Variants in RNF150 observed in about 807,000 individuals in gnomAD.
RNF150 encodes the protein ring finger protein 150.
Under a neutral mutation model 39.3 loss-of-function variants are expected in RNF150, and 24 were observed. That is an observed-to-expected ratio of 0.61 (90% CI 0.44 to 0.86). RNF150 has a LOEUF of 0.86. RNF150 is among the 40% of genes least tolerant of loss of function. The probability of loss-of-function intolerance (pLI) is 0.00; values close to 1 mark genes in which losing one functional copy is unlikely to be tolerated. For missense variants in RNF150, 502 were observed against 587.8 expected (o/e 0.85, Z 1.51); for synonymous variants, 255 against 227.3 (o/e 1.12, Z -1.10).
intron 1 of RNF150, among the ~76,000 whole-genome samples, chr4:140,976,726 T>G (rs1248097440): frequency 2.0e-5 from 3 of 151,980 alleles, no homozygotes; most frequent in Admixed American, 6.6e-5. Flanking sequence ...TCCACCATTA[T>G]AAACTCTTCT....
chr4:141,036,903 G>GC (rs893124923), intron 1 of RNF150, among the ~76,000 whole-genome samples: 2 of 152,040 alleles, frequency 1.3e-5, no homozygotes, highest in African/African-American at 4.8e-5. Flanking sequence ...ATGCCAAAAG[G>GC]CCCTTAGCTC....
At chr4:141,066,206 A>G (rs953731854) in intron 1 of RNF150, among the ~76,000 whole-genome samples, 4 of 151,000 alleles carry the variant, frequency 2.6e-5, no homozygotes, top group African/African-American at 9.7e-5. Context: ...ACAGGGTGCA[A>G]TTGTTAAAAG....
rs747481996 is a variant in RNF150 at position 141,132,294 on chromosome 4, TCCCCTCCCCCGCGCCCGCTGGG to T, written c.484+9_484+30del. ...TCTAGGCACCTCCGTCCCCGCCGGCTCCCCTCCCCCGCGCCCGCTGGGCCACTCACCCGCGTGGGGCATGGTG... is the reference window on the plus strand; with the variant it reads ...TCTAGGCACCTCCGTCCCCGCCGGCTCCACTCACCCGCGTGGGGCATGGTG... On this transcript the variant is annotated intron_variant, in intron 1 of 6. Coordinates refer to ENST00000515673, the MANE Select transcript of RNF150 (RefSeq NM_020724.2). The surrounding 1 kb of genome is among the most constrained non-coding windows in gnomAD (Gnocchi z 4.9). 1 of 1,555,042 alleles carries T rather than the reference TCCCCTCCCCCGCGCCCGCTGGG, an allele frequency of 6.4e-7. No individual in the cohort carries two copies. Among genetic ancestry groups the T allele is most frequent in the Non-Finnish European group, 8.7e-7 (1 of 1,148,956 alleles).
intron 1 of RNF150, among the ~76,000 whole-genome samples, chr4:141,167,030 T>C (rs1023816913): frequency 6.6e-6 from 1 of 152,156 alleles, no homozygotes; most frequent in Non-Finnish European, 1.5e-5. Context: ...GACATGATTG[T>C]ACATTTAGAA....
At chr4:140,931,664 T>A (rs1308973819) in intron 4 of RNF150, among the ~76,000 whole-genome samples, 5 of 152,156 alleles carry the variant, frequency 3.3e-5, no homozygotes, top group African/African-American at 1.2e-4. Flanking sequence ...GACAAGATAA[T>A]CCATCTCTTA....
intron 6 of RNF150, among the ~76,000 whole-genome samples, chr4:140,878,377 G>A (rs1261892683): frequency 6.6e-6 from 1 of 151,930 alleles, no homozygotes; most frequent in Non-Finnish European, 1.5e-5. Flanking sequence ...TACCATATCA[G>A]CCAGGCTGAT....
chr4:140,980,829 C>T (rs1733836427), intron 1 of RNF150, among the ~76,000 whole-genome samples: 1 of 152,034 alleles, frequency 6.6e-6, no homozygotes, highest in Non-Finnish European at 1.5e-5. Flanking sequence ...TCAGGCAGTT[C>T]GTTATAGAGC....
At chr4:141,133,836 G>C (rs1726974398), upstream of RNF150, among the ~76,000 whole-genome samples, 1 of 152,120 alleles carries the variant, frequency 6.6e-6, no homozygotes, top group South Asian at 2.1e-4. Flanking sequence ...GCTACCTCTG[G>C]AATACCTAGG....
intron 2 of RNF150, among the ~76,000 whole-genome samples, chr4:140,950,871 G>A (rs1732514604): frequency 6.6e-6 from 1 of 152,140 alleles, no homozygotes; most frequent in African/African-American, 2.4e-5. Context: ...GATAAGTTTT[G>A]GCTGTTTCCT....
chr4:140,962,833 A>T lies in RNF150; in HGVS notation c.735+4790T>A, dbSNP rs115540513. 4.4e-3 allele frequency among the ~76,000 whole-genome samples: 676 copies of T among 152,116 alleles called. 4 individuals carry two copies. The highest frequency in any genetic ancestry group is 6.4e-3 in the Non-Finnish European group (435 of 67,904). ...AAAACAATGAATAAAGAAATTAAGTAAGTTTCCCATTTTGGGTAAGCAGTG... is the reference window on the plus strand; with the variant it reads ...AAAACAATGAATAAAGAAATTAAGTTAGTTTCCCATTTTGGGTAAGCAGTG... On this transcript the variant is annotated intron_variant, in intron 2 of 6. Coordinates refer to ENST00000515673, the MANE Select transcript of RNF150 (RefSeq NM_020724.2).
At chr4:140,957,991 T>C (rs1429048301) in intron 2 of RNF150, among the ~76,000 whole-genome samples, 1 of 151,904 alleles carries the variant, frequency 6.6e-6, no homozygotes, top group Non-Finnish European at 1.5e-5. Context: ...CATGTATACA[T>C]ATGTAACTAA....
intron 5 of RNF150, among the ~76,000 whole-genome samples, chr4:140,918,166 G>C (rs527269528): frequency 9.2e-4 from 140 of 152,254 alleles, no homozygotes; most frequent in Middle Eastern, 3.4e-3. Context: ...TTGAAAGCTA[G>C]CAGAAAGCAA....
chr4:141,204,789 G>A (rs576394149), intron 1 of RNF150, among the ~76,000 whole-genome samples: 44 of 152,226 alleles, frequency 2.9e-4, no homozygotes, highest in Admixed American at 3.9e-4. Context: ...TGCTGAGTTG[G>A]TTCTCAGTCT....
At chr4:140,987,921 C>T (rs557580609) in intron 1 of RNF150, among the ~76,000 whole-genome samples, 1 of 152,016 alleles carries the variant, frequency 6.6e-6, no homozygotes, top group Non-Finnish European at 1.5e-5. Flanking sequence ...AAGCAAAAAA[C>T]AATCCTATTA....
At chr4:141,011,043 A>T (rs1479339525) in intron 1 of RNF150, among the ~76,000 whole-genome samples, 1 of 152,046 alleles carries the variant, frequency 6.6e-6, no homozygotes, top group Non-Finnish European at 1.5e-5. Context: ...GTGCTGATTT[A>T]TATGACCCAT....
In RNF150 at chr4:140,926,144, A is replaced by G. The variant is rs1578974261; in HGVS notation, c.891-71T>C. 5 of 1,117,654 alleles carry G rather than the reference A, an allele frequency of 4.5e-6. No homozygotes were observed. In the East Asian group the frequency reaches 1.2e-4, roughly 26 times the overall value. The allele number at this position is 1,117,654 out of a possible 1,614,324, so 69.2% of individuals were successfully genotyped here. On this transcript the variant is annotated intron_variant, in intron 4 of 6. Coordinates refer to ENST00000515673, the MANE Select transcript of RNF150 (RefSeq NM_020724.2). ...ATACCTGGTCCACCATGGCCCAGGG[A>G]CTCGTCCAAGGTCACAAAATTACTC... is the stretch of plus-strand genomic sequence containing the variant.
At chr4:140,974,790 ATT>A (rs1471225846) in intron 1 of RNF150, among the ~76,000 whole-genome samples, 2 of 152,148 alleles carry the variant, frequency 1.3e-5, no homozygotes, top group Non-Finnish European at 2.9e-5. Context: ...CAGCTCATAA[ATT>A]TGTCTTTATT....
chr4:141,087,285 C>T (rs1274233876), intron 1 of RNF150, among the ~76,000 whole-genome samples: 1 of 152,194 alleles, frequency 6.6e-6, no homozygotes, highest in Non-Finnish European at 1.5e-5. Flanking sequence ...CATCCTCCAG[C>T]TTCATCCATG....
At chr4:140,890,387 T>G (rs1267691861) in intron 6 of RNF150, among the ~76,000 whole-genome samples, 1 of 152,214 alleles carries the variant, frequency 6.6e-6, no homozygotes, top group Non-Finnish European at 1.5e-5. Flanking sequence ...TTACAATATT[T>G]TTCACTATTA....
Sources: allele counts gnomAD v4.1 joint callset (sites outside exome capture counted in the v4.1 genomes callset), GRCh38; gene constraint gnomAD v4.1.1; non-coding constraint Gnocchi (gnomAD v3.1); transcripts MANE v1.5; gene names NCBI Gene and HGNC (gene_info 2026-07-23, HGNC 2026-07-21).